The following MAGI1 variants were observed in gnomAD, a reference collection of about 807,000 sequenced individuals.
MAGI1 encodes membrane associated guanylate kinase, WW and PDZ domain containing 1, also known as membrane-associated guanylate kinase, WW and PDZ domain-containing protein 1.
In MAGI1, 58 loss-of-function variants were observed where a neutral mutation model predicts 139.9. The observed-to-expected ratio is 0.41, with a 90% confidence interval of 0.34 to 0.52. The LOEUF is 0.52. Ranked by LOEUF, MAGI1 falls within the 20% of genes least tolerant of loss-of-function variation. The pLI is 0.12. For missense variants in MAGI1, 1,874 were observed against 1,901.6 expected (o/e 0.99, Z 0.27); for synonymous variants, 812 against 737.9 (o/e 1.10, Z -1.63).
intron 1 of MAGI1, among the ~76,000 whole-genome samples, chr3:65,700,206 G>C (rs139147473): frequency 3.4e-4 from 51 of 152,220 alleles, no homozygotes; most frequent in African/African-American, 1.2e-3. Flanking sequence ...CATTTTGGGA[G>C]GCCGAGGCGG....
At chr3:65,864,524 TCCATGTCAC>T in intron 1 of MAGI1, among the ~76,000 whole-genome samples, 1 of 152,344 alleles carries the variant, frequency 6.6e-6, no homozygotes, top group South Asian at 2.1e-4. Flanking sequence ...GACGGCAGAC[TCCATGTCAC>T]GTGCCACACA....
At chr3:65,406,263 A>G (rs897059701) in intron 12 of MAGI1, among the ~76,000 whole-genome samples, 1 of 151,764 alleles carries the variant, frequency 6.6e-6, no homozygotes, top group African/African-American at 2.4e-5. Context: ...GGGGAAACCA[A>G]GCAGAAGCCG....
At chr3:65,396,079 T>C (rs1944373856) in intron 13 of MAGI1, among the ~76,000 whole-genome samples, 9 of 151,850 alleles carry the variant, frequency 5.9e-5, no homozygotes. Flanking sequence ...TGGAGGAGGC[T>C]TAGGAGCAGG....
intron 1 of MAGI1, among the ~76,000 whole-genome samples, chr3:66,019,360 T>C (rs753185475): frequency 1.2e-4 from 18 of 152,148 alleles, no homozygotes; most frequent in Non-Finnish European, 2.5e-4. Flanking sequence ...CCCCTCTATA[T>C]ACCAGTGGCA....
At chr3:65,981,755 C>T (rs865908273) in intron 1 of MAGI1, among the ~76,000 whole-genome samples, 1 of 152,064 alleles carries the variant, frequency 6.6e-6, no homozygotes, top group East Asian at 1.9e-4. Flanking sequence ...ACCCCTTTTG[C>T]TCGGTTCTTA....
intron 1 of MAGI1, among the ~76,000 whole-genome samples, chr3:65,839,345 TAC>T (rs1189203182): frequency 7.2e-5 from 11 of 152,328 alleles, no homozygotes; most frequent in Admixed American, 1.3e-4. Flanking sequence ...CGATAAATGT[TAC>T]AGTTAATGTA....
intron 18 of MAGI1, among the ~76,000 whole-genome samples, chr3:65,369,424 A>G (rs2106789490): frequency 6.6e-6 from 1 of 152,314 alleles, no homozygotes; most frequent in African/African-American, 2.4e-5. Flanking sequence ...ATGGACTCAG[A>G]GTAGACTCAC....
chr3:65,619,257 TA>T (rs2083542809), intron 2 of MAGI1, among the ~76,000 whole-genome samples: 5 of 152,182 alleles, frequency 3.3e-5, no homozygotes, highest in African/African-American at 1.2e-4. Flanking sequence ...TTTTGGCCAG[TA>T]AAACAGGGGT....
At position 65,543,758 on chromosome 3, in the gene MAGI1, G is replaced by A. The variant is rs138626079; in HGVS notation, c.431-50127C>T. Among the ~76,000 whole-genome samples the A allele has an allele frequency of 6.3e-3, 958 of 152,022 alleles. 5 individuals carry two copies. Among genetic ancestry groups the A allele is most frequent in the African/African-American group, 0.02 (823 of 41,472 alleles). On this transcript the variant is annotated intron_variant, in intron 2 of 22. Coordinates refer to ENST00000402939, the MANE Select transcript of MAGI1 (RefSeq NM_001033057.2). ...ACACACTGGGGCCTGTCAGGGATGG[G>A]GGGGGGTACAAGAGGGATAGCATTT...
intron 1 of MAGI1, among the ~76,000 whole-genome samples, chr3:65,966,285 T>C (rs370316175): frequency 5.9e-5 from 9 of 152,282 alleles, no homozygotes; most frequent in East Asian, 5.8e-4. Context: ...GAAATACTAA[T>C]GGAAGGGACA....
intron 2 of MAGI1, among the ~76,000 whole-genome samples, chr3:65,543,706 A>T (rs2079356990): frequency 6.6e-6 from 1 of 152,060 alleles, no homozygotes; most frequent in Admixed American, 6.6e-5. Flanking sequence ...AACAATGAGA[A>T]TACATGGACA....
At chr3:65,667,358 C>T (rs538511390) in intron 1 of MAGI1, among the ~76,000 whole-genome samples, 5 of 152,194 alleles carry the variant, frequency 3.3e-5, no homozygotes, top group South Asian at 2.1e-4. Flanking sequence ...CAGAATTCCA[C>T]GGTGGCCGAT....
intron 2 of MAGI1, among the ~76,000 whole-genome samples, chr3:65,571,156 C>A (rs2080937948): frequency 6.6e-6 from 1 of 152,108 alleles, no homozygotes; most frequent in South Asian, 2.1e-4. Flanking sequence ...CCCAAATGCA[C>A]CTGCCTGCAT....
Position 65,400,750 on chromosome 3 carries a change from A to ATTTTTT in MAGI1, c.2199+683_2199+688dup, listed in dbSNP as rs767598706. On this transcript the variant is annotated intron_variant, in intron 13 of 22. Coordinates refer to ENST00000402939, the MANE Select transcript of MAGI1 (RefSeq NM_001033057.2). ...GATTGGAAAGGACAGCAAAACATTG[A>ATTTTTT]TTTTTTTTTTTTTTTTTTTTTTTTT... 1.2e-3 allele frequency among the ~76,000 whole-genome samples: 70 copies of ATTTTTT among 60,592 alleles called. 8 individuals carry two copies. The highest frequency in any genetic ancestry group is 3.8e-3 in the South Asian group (7 of 1,846). 39.8% of individuals were successfully genotyped at this position (60,592 alleles called of 152,430 possible). A position where few individuals can be genotyped will look rare whatever the true frequency, so the allele number is the denominator to read the frequency against.
At chr3:65,718,368 G>C (rs2032540521) in intron 1 of MAGI1, 1 of 152,138 alleles carries the variant, frequency 6.6e-6, no homozygotes, top group Admixed American at 6.5e-5. Context: ...CGTGTTTCCA[G>C]CACGAGATGG....
intron 1 of MAGI1, among the ~76,000 whole-genome samples, chr3:65,656,906 C>G (rs13091283): frequency 0.35 from 49,058 of 139,540 alleles, 9,173 homozygotes; most frequent in East Asian, 0.64. Flanking sequence ...GCTGAGGCAG[C>G]AGAATTACTT....
At chr3:65,628,506 G>T (rs561275919) in intron 1 of MAGI1, among the ~76,000 whole-genome samples, 2 of 152,032 alleles carry the variant, frequency 1.3e-5, no homozygotes, top group Non-Finnish European at 2.9e-5. Context: ...GCCCACCGGA[G>T]AAGCTCCTTA....
At chr3:65,960,674 T>G (rs1447815018) in intron 1 of MAGI1, among the ~76,000 whole-genome samples, 2 of 152,166 alleles carry the variant, frequency 1.3e-5, no homozygotes, top group African/African-American at 4.8e-5. Context: ...GAAGCCAAAA[T>G]TATAAATTTC....
At chr3:65,597,987 A>C in intron 2 of MAGI1, 1 of 445,636 alleles carries the variant, frequency 2.2e-6, no homozygotes, top group Non-Finnish European at 4.5e-6. Context: ...CCACCTGACC[A>C]CAGAGCGGTT....
Sources: allele counts gnomAD v4.1 joint callset (sites outside exome capture counted in the v4.1 genomes callset), GRCh38; gene constraint gnomAD v4.1.1; transcripts MANE v1.5; gene names NCBI Gene and HGNC (gene_info 2026-07-23, HGNC 2026-07-21).